Variants in CCNK observed in about 807,000 individuals in gnomAD.
CCNK encodes cyclin K.
Under a neutral mutation model 65.0 loss-of-function variants are expected in CCNK, and 9 were observed. The observed-to-expected ratio is 0.14, with a 90% CI of 0.08 to 0.24. The LOEUF is 0.24. CCNK is among the 10% of genes least tolerant of loss of function. CCNK has a pLI of 1.00. For missense variants in CCNK, 474 were observed against 720.0 expected (o/e 0.66, Z 3.91); for synonymous variants, 279 against 270.8 (o/e 1.03, Z -0.30).
chr14:99,490,023 TTAG>T (rs1188100186), intron 1 of CCNK, among the ~76,000 whole-genome samples: 1 of 152,224 alleles, frequency 6.6e-6, no homozygotes, highest in Non-Finnish European at 1.5e-5. Flanking sequence ...AATGCTAAAA[TTAG>T]TAGATGAAAC....
intron 7 of CCNK, 167 bp downstream of exon 7, chr14:99,502,543 A>G: frequency 7.7e-7 from 1 of 1,298,738 alleles, no homozygotes; most frequent in South Asian, 1.6e-5. Flanking sequence ...GTCCAAACAC[A>G]TACTTTTGGT....
intron 1 of CCNK, 78 bp downstream of exon 1, chr14:99,481,557 C>T (rs900401847): frequency 1.7e-4 from 69 of 398,314 alleles, no homozygotes; most frequent in Non-Finnish European, 2.7e-4. Flanking sequence ...TGGCCAACCG[C>T]CGCTATCCAC....
At chr14:99,485,996 A>C (rs2139848368) in intron 1 of CCNK, among the ~76,000 whole-genome samples, 1 of 152,348 alleles carries the variant, frequency 6.6e-6, no homozygotes, top group South Asian at 2.1e-4. Flanking sequence ...TATTTTCTTG[A>C]AATATAATCC....
At chr14:99,492,981 C>T in intron 2 of CCNK, 107 bp downstream of exon 2, 1 of 929,668 alleles carries the variant, frequency 1.1e-6, no homozygotes, top group Middle Eastern at 3.4e-4. Context: ...TGTACCAGAG[C>T]AGTTCTTAAA....
intron 4 of CCNK, chr14:99,500,309 C>G (rs1185190388): frequency 2.1e-5 from 4 of 189,086 alleles, no homozygotes; most frequent in Non-Finnish European, 4.4e-5. Context: ...CATACACACA[C>G]ACTGGTACAA....
At chr14:99,507,299 G>A in intron 10 of CCNK, 152 bp downstream of exon 10, 1 of 672,126 alleles carries the variant, frequency 1.5e-6, no homozygotes, top group Non-Finnish European at 2.7e-6. Flanking sequence ...TTCTTGGGCT[G>A]GGCACAATGG....
chr14:99,493,477 A>G (rs1275470411), intron 2 of CCNK, 37 bp from the exon 3 acceptor site: 8 of 1,363,704 alleles, frequency 5.9e-6, no homozygotes, highest in Admixed American at 2.0e-5. Context: ...TATAACCTGT[A>G]AAAGTTATTG....
chr14:99,484,911 C>T (rs1896446894), intron 1 of CCNK, among the ~76,000 whole-genome samples: 1 of 152,202 alleles, frequency 6.6e-6, no homozygotes, highest in African/African-American at 2.4e-5. Flanking sequence ...CTGAAAGGTG[C>T]TGCTAAAATG....
intron 1 of CCNK, among the ~76,000 whole-genome samples, chr14:99,483,346 C>G (rs984982525): frequency 6.6e-6 from 1 of 151,802 alleles, no homozygotes; most frequent in Non-Finnish European, 1.5e-5. Flanking sequence ...CTCAGGAGTT[C>G]AAGACCATCC....
At chr14:99,484,376 G>A (rs1233598516) in intron 1 of CCNK, among the ~76,000 whole-genome samples, 6 of 152,264 alleles carry the variant, frequency 3.9e-5, no homozygotes, top group African/African-American at 1.2e-4. Flanking sequence ...CATGTGCTAT[G>A]CACATCATAT....
intron 7 of CCNK, 87 bp from the exon 8 acceptor site, chr14:99,502,632 A>G: frequency 7.6e-7 from 1 of 1,319,988 alleles, no homozygotes; most frequent in Non-Finnish European, 1.1e-6. Flanking sequence ...AGGTCCTCGT[A>G]GGGGTATCAT....
intron 1 of CCNK, among the ~76,000 whole-genome samples, chr14:99,483,293 A>C (rs1896401296): frequency 6.6e-6 from 1 of 152,138 alleles, no homozygotes; most frequent in South Asian, 2.1e-4. Flanking sequence ...TCACGCTTAT[A>C]ATACCAGTAC....
At chr14:99,496,307 T>G (rs979896598) in intron 4 of CCNK, among the ~76,000 whole-genome samples, 2 of 152,188 alleles carry the variant, frequency 1.3e-5, no homozygotes, top group African/African-American at 4.8e-5. Context: ...TATCACAGTT[T>G]GCAATTAAAT....
intron 4 of CCNK, among the ~76,000 whole-genome samples, chr14:99,497,637 C>A (rs990093013): frequency 2.6e-5 from 4 of 152,202 alleles, no homozygotes; most frequent in African/African-American, 9.7e-5. Context: ...TGTTGTTTTT[C>A]CTAACTAGCT....
rs1897084145 is a variant in CCNK, at chr14:99,510,143, T to A, written c.1118-14T>A. 3 of 1,589,852 alleles carry A rather than the reference T, an allele frequency of 1.9e-6. No homozygotes were observed. Among genetic ancestry groups the A allele is most frequent in the Non-Finnish European group, 2.6e-6 (3 of 1,172,362 alleles). ...CTGGCGGAGGCCGGGCACTGATGCG[T>A]CTCTCTCCTGCAGACCGGAAGCCTC... On this transcript the variant is annotated splice_polypyrimidine_tract_variant and intron_variant, in intron 10 of 10. Transcript: ENST00000389879.
chr14:99,485,609 A>G (rs1409621652), intron 1 of CCNK, among the ~76,000 whole-genome samples: 3 of 152,040 alleles, frequency 2.0e-5, no homozygotes, highest in Non-Finnish European at 4.4e-5. Context: ...ATTCTCCTTT[A>G]TGCTGAAAAA....
intron 1 of CCNK, among the ~76,000 whole-genome samples, chr14:99,482,176 C>T (rs1896354302): frequency 6.6e-6 from 1 of 152,210 alleles, no homozygotes; most frequent in East Asian, 1.9e-4. Context: ...TTAAACGGAG[C>T]TTTCGCTAAG....
chr14:99,503,399 G>C, intron 8 of CCNK: 1 of 605,044 alleles, frequency 1.7e-6, no homozygotes, highest in Non-Finnish European at 2.9e-6. Context: ...TAGTCATTCT[G>C]TCTTATTTGG....
chr14:99,488,646 G>A (rs1022091447), intron 1 of CCNK, among the ~76,000 whole-genome samples: 1 of 152,220 alleles, frequency 6.6e-6, no homozygotes, highest in African/African-American at 2.4e-5. Flanking sequence ...TATTAGTGAT[G>A]TCAAGTGTGA....
Sources: gnomAD v4.1 joint callset for allele counts (sites outside exome capture counted in the v4.1 genomes callset) on GRCh38, gnomAD v4.1.1 for gene constraint, MANE v1.5 for transcripts, NCBI Gene and HGNC (gene_info 2026-07-23, HGNC 2026-07-21) for gene names.